HYDIN: variants seen among roughly 807,000 people sequenced by gnomAD.
HYDIN encodes the protein HYDIN axonemal central pair apparatus protein, also known as axonemal central pair apparatus protein HYDIN.
In HYDIN, 132 loss-of-function variants were observed where a neutral mutation model predicts 403.9. The observed-to-expected ratio is 0.33, with a 90% confidence interval of 0.28 to 0.38. The LOEUF is 0.38. Among genes scored for constraint, HYDIN ranks in the 10% least tolerant of loss-of-function variants. HYDIN has a pLI of 1.00. For missense variants in HYDIN, 2,827 were observed against 5,009.5 expected (o/e 0.56, Z 13.15); for synonymous variants, 1,202 against 1,891.7 (o/e 0.64, Z 9.46).
At chr16:71,227,135 ATATATATGTG>A (rs2041068190) in intron 1 of HYDIN, among the ~76,000 whole-genome samples, 1 of 151,014 alleles carries the variant, frequency 6.6e-6, no homozygotes. Flanking sequence ...ATATATGTAT[ATATATATGTG>A]TATGTGTGTG....
chr16:70,978,153 T>C (rs1160616420), intron 30 of HYDIN, among the ~76,000 whole-genome samples: 2 of 151,766 alleles, frequency 1.3e-5, no homozygotes, highest in Admixed American at 1.3e-4. Flanking sequence ...AGACCTCGCT[T>C]CTCCTCCTGA....
At chr16:71,138,697 C>T (rs560494851) in intron 7 of HYDIN, among the ~76,000 whole-genome samples, 1 of 152,034 alleles carries the variant, frequency 6.6e-6, no homozygotes, top group African/African-American at 2.4e-5. Flanking sequence ...ATTGGAATAT[C>T]CTTAATTATG....
intron 18 of HYDIN, among the ~76,000 whole-genome samples, chr16:71,038,896 T>G (rs1318184936): frequency 1.3e-5 from 2 of 151,844 alleles, no homozygotes; most frequent in Non-Finnish European, 2.9e-5. Context: ...TGACCTCAAG[T>G]GAACTGCCCA....
In HYDIN at chr16:70,879,482, G is replaced by A. The variant is rs753253094; in HGVS notation, c.10372C>T (p.Leu3458=). 3.1e-6 allele frequency: 5 copies of A among 1,613,788 alleles called. No individual in the cohort carries two copies. In the South Asian group the frequency reaches 5.5e-5, roughly 18 times the overall value. The change falls in exon 62 of 86, where the codon CTG becomes TTG. Residue 3458 remains leucine (L), a synonymous_variant. Transcript: ENST00000393567. ...EATLDGLPST[L]AKSRGLVFDI... ...AACACGAGGCCTCGGCTCTTGGCCA[G>A]GGTGCTGTAGGGGACAGGAAGATTG...
intron 1 of HYDIN, among the ~76,000 whole-genome samples, chr16:71,191,232 G>A (rs1233823380): frequency 6.6e-6 from 1 of 152,060 alleles, no homozygotes; most frequent in Non-Finnish European, 1.5e-5. Flanking sequence ...TATTTGCTAA[G>A]TATGTCAATA....
At chr16:71,199,204 A>G (rs2144700353) in intron 1 of HYDIN, among the ~76,000 whole-genome samples, 1 of 152,332 alleles carries the variant, frequency 6.6e-6, no homozygotes, top group African/African-American at 2.4e-5. Context: ...ACTGATGTGC[A>G]GAAGTCCTTT....
intron 1 of HYDIN, among the ~76,000 whole-genome samples, chr16:71,195,366 T>C (rs966547384): frequency 1.3e-5 from 2 of 152,182 alleles, no homozygotes; most frequent in African/African-American, 4.8e-5. Context: ...TCTTCAACTT[T>C]GGCTTCTGCT....
intron 10 of HYDIN, among the ~76,000 whole-genome samples, chr16:71,102,462 T>C (rs2083486007): frequency 6.6e-6 from 1 of 152,048 alleles, no homozygotes; most frequent in Non-Finnish European, 1.5e-5. Flanking sequence ...CAAAGCTCAT[T>C]ATCAGAATTT....
intron 47 of HYDIN, among the ~76,000 whole-genome samples, chr16:70,917,016 G>A (rs904206463): frequency 1.3e-5 from 2 of 152,024 alleles, no homozygotes; most frequent in African/African-American, 4.8e-5. Context: ...TCTGACTCCA[G>A]GGCTCAAGCG....
At chr16:70,836,228 G>C (rs1467636274) in intron 77 of HYDIN, among the ~76,000 whole-genome samples, 3 of 152,180 alleles carry the variant, frequency 2.0e-5, no homozygotes, top group African/African-American at 4.8e-5. Flanking sequence ...CCTAAGGCAG[G>C]GAGACAACCT....
At chr16:70,941,439 G>C in intron 43 of HYDIN, 197 bp downstream of exon 43, 1 of 399,864 alleles carries the variant, frequency 2.5e-6, no homozygotes, top group East Asian at 3.9e-5. Flanking sequence ...CAGTGTGATG[G>C]GAGGGAAGCA....
At chr16:70,977,516 G>C (rs2078921263) in intron 30 of HYDIN, among the ~76,000 whole-genome samples, 2 of 151,320 alleles carry the variant, frequency 1.3e-5, no homozygotes, top group Admixed American at 1.3e-4. Flanking sequence ...GTGGGCTTTG[G>C]TGCTTCCTGT....
chr16:71,103,773 T>C (rs2083526942), intron 10 of HYDIN, among the ~76,000 whole-genome samples: 1 of 151,950 alleles, frequency 6.6e-6, no homozygotes, highest in Non-Finnish European at 1.5e-5. Context: ...GCTTGTCAAT[T>C]TCTACAAAAA....
At chr16:71,184,464 C>T (rs545219501) in intron 3 of HYDIN, among the ~76,000 whole-genome samples, 3 of 152,146 alleles carry the variant, frequency 2.0e-5, no homozygotes, top group East Asian at 1.9e-4. Context: ...GAATAGACAA[C>T]GAATGCCTAC....
chr16:71,125,254 C>T (rs2084409113), intron 9 of HYDIN, among the ~76,000 whole-genome samples: 1 of 152,072 alleles, frequency 6.6e-6, no homozygotes, highest in Non-Finnish European at 1.5e-5. Flanking sequence ...CCACAGCACA[C>T]TCACAAATCT....
At chr16:70,824,030 T>C (rs1335114234) in intron 83 of HYDIN, among the ~76,000 whole-genome samples, 1 of 151,508 alleles carries the variant, frequency 6.6e-6, no homozygotes, top group East Asian at 1.9e-4. Context: ...CTGAGAAAAG[T>C]TGCCTCAGAG....
At chr16:71,208,734 C>T (rs538522705) in intron 1 of HYDIN, among the ~76,000 whole-genome samples, 2 of 152,016 alleles carry the variant, frequency 1.3e-5, no homozygotes, top group African/African-American at 2.4e-5. Context: ...TTACCACTGA[C>T]CCCACAGAAA....
chr16:70,961,859 C>T (rs2078429605), intron 38 of HYDIN, 100 bp downstream of exon 38: 4 of 871,476 alleles, frequency 4.6e-6, no homozygotes, highest in Non-Finnish European at 7.0e-6. Flanking sequence ...GGGCTAGGAG[C>T]CATACGAGGA....
chr16:71,174,028 A>T (rs747071151), intron 5 of HYDIN, among the ~76,000 whole-genome samples: 1 of 152,248 alleles, frequency 6.6e-6, no homozygotes, highest in Non-Finnish European at 1.5e-5. Context: ...CTCCCCACAG[A>T]CAATATTCAG....
Sources: gnomAD v4.1 joint callset for allele counts (sites outside exome capture counted in the v4.1 genomes callset) on GRCh38, gnomAD v4.1.1 for gene constraint, MANE v1.5 for transcripts, NCBI Gene and HGNC (gene_info 2026-07-23, HGNC 2026-07-21) for gene names.